Variants in TENM4 observed in about 807,000 individuals in gnomAD.
TENM4 encodes the protein teneurin-4.
A neutral mutation model predicts 243.3 loss-of-function variants in TENM4; 82 were observed. The observed-to-expected ratio is 0.34, with a 90% CI of 0.28 to 0.40. The LOEUF is 0.40. TENM4 is among the 10% of genes least tolerant of loss of function. The pLI, the probability that TENM4 is intolerant of heterozygous loss-of-function variation, is 1.00. For synonymous variants in TENM4, 1,412 were observed against 1,456.3 expected, an observed-to-expected ratio of 0.97 and a Z score of 0.69; for missense variants, 3,138 against 3,673.3, an observed-to-expected ratio of 0.85 and a Z score of 3.77.
intron 2 of TENM4, among the ~76,000 whole-genome samples, chr11:79,279,183 T>G (rs902296906): frequency 1.3e-5 from 2 of 152,196 alleles, no homozygotes; most frequent in Non-Finnish European, 2.9e-5. Context: ...GGATTTCCAA[T>G]CTGATGATCT....
chr11:78,953,712 T>A (rs751870886), intron 6 of TENM4, among the ~76,000 whole-genome samples: 38 of 152,216 alleles, frequency 2.5e-4, no homozygotes, highest in Non-Finnish European at 4.6e-4. Flanking sequence ...CAAGAGGATG[T>A]CTGTAAGTTA....
chr11:79,124,787 G>GTA (rs1200347390), intron 4 of TENM4, among the ~76,000 whole-genome samples: 2 of 141,272 alleles, frequency 1.4e-5, no homozygotes, highest in African/African-American at 5.3e-5. Context: ...ATATATATGT[G>GTA]TATATATATG....
chr11:79,301,403 T>C (rs1856547441), intron 1 of TENM4, among the ~76,000 whole-genome samples: 1 of 152,148 alleles, frequency 6.6e-6, no homozygotes, highest in East Asian at 1.9e-4. Context: ...GCTGAAAGGT[T>C]GTTTGCTTTC....
intron 3 of TENM4, among the ~76,000 whole-genome samples, chr11:79,163,032 G>A (rs693021): frequency 0.3 from 45,403 of 152,036 alleles, 7,509 homozygotes; most frequent in Non-Finnish European, 0.37. Context: ...TGCCTAAAAG[G>A]TCCCTAGACC....
Position 78,654,120 on chromosome 11 carries a change from T to C in TENM4, c.*3938A>G, listed in dbSNP as rs897824448. The C allele has an allele frequency of 3.3e-5, 5 of 152,184 alleles. No homozygotes were observed. In the East Asian group the frequency reaches 7.7e-4, roughly 23 times the overall value. The allele number at this position is 152,184 out of a possible 1,614,324, so 9.4% of individuals were successfully genotyped here. ...GTGCCTTAAATAGAGAGGTTTTCAT[T>C]CTAACAAGGACCCCAAGGGAAAGGA... On this transcript the variant is annotated 3_prime_UTR_variant, in exon 34 of 34. Coordinates refer to ENST00000278550, the MANE Select transcript of TENM4 (RefSeq NM_001098816.3).
intron 6 of TENM4, among the ~76,000 whole-genome samples, chr11:78,988,997 A>T (rs1464554169): frequency 2.0e-5 from 3 of 151,982 alleles, no homozygotes; most frequent in Non-Finnish European, 4.4e-5. Flanking sequence ...TTATATTTTT[A>T]TTTTTGTGCT....
rs776937260 is a variant in TENM4, at chr11:78,732,474, A to C, written c.2980T>G (p.Phe994Val). 6.2e-7 allele frequency: 1 copy of C among 1,613,822 alleles called. No homozygotes were observed. The change falls in exon 21 of 34, where the codon TTT becomes GTT. Residue 994 changes from phenylalanine to valine, a missense_variant. Phe to Val is a conservative substitution (Grantham distance 50). This residue lies in a region of TENM4 where 2,467 missense variants were observed against 3,059.1 expected (regional missense o/e 0.81). Coordinates refer to ENST00000278550, the MANE Select transcript of TENM4 (RefSeq NM_001098816.3). ...HTLWLPWDRF[F>V]VMETIIMRHE... Reference sequence around the variant, plus strand: ...CTCATGATGATGGTTTCCATGACAAAGAAGCGATCCCATGGCAGCCACAGG... The same window carrying C: ...CTCATGATGATGGTTTCCATGACAACGAAGCGATCCCATGGCAGCCACAGG...
At chr11:79,044,710 ATAAAGTAGGGG>A (rs1859618009) in intron 6 of TENM4, among the ~76,000 whole-genome samples, 1 of 152,180 alleles carries the variant, frequency 6.6e-6, no homozygotes, top group Non-Finnish European at 1.5e-5. Context: ...TTTCCCATGT[ATAAAGTAGGGG>A]TGAATATAAC....
intron 28 of TENM4, among the ~76,000 whole-genome samples, chr11:78,695,667 A>G (rs569979921): frequency 6.9e-6 from 1 of 145,908 alleles, no homozygotes; most frequent in South Asian, 2.1e-4. Context: ...CTGGCTGTGG[A>G]CAGTTTTTCT....
At chr11:78,662,366 T>C (rs1858052407) in intron 32 of TENM4, among the ~76,000 whole-genome samples, 1 of 152,026 alleles carries the variant, frequency 6.6e-6, no homozygotes, top group Admixed American at 6.6e-5. Flanking sequence ...AATTTTTGTA[T>C]TTTTAGTAGA....
At chr11:79,013,828 T>A (rs1225792766) in intron 6 of TENM4, among the ~76,000 whole-genome samples, 1 of 152,152 alleles carries the variant, frequency 6.6e-6, no homozygotes, top group African/African-American at 2.4e-5. Flanking sequence ...TTCAACTGCA[T>A]CCCAGCCAGA....
rs1483394681 is a variant in TENM4 at position 79,195,949 on chromosome 11, G to T, written c.-163+19859C>A. On this transcript the variant is annotated intron_variant, in intron 3 of 33. Coordinates refer to ENST00000278550, the MANE Select transcript of TENM4 (RefSeq NM_001098816.3). ...CATGTGTTGTGGGAGAGACCAGCGGGAGGTAACTGAATCATGGGGGCTGGT... is the reference window on the plus strand; with the variant it reads ...CATGTGTTGTGGGAGAGACCAGCGGTAGGTAACTGAATCATGGGGGCTGGT... 2.0e-5 allele frequency among the ~76,000 whole-genome samples: 3 copies of T among 152,116 alleles called. No homozygotes were observed. In the East Asian group the frequency reaches 5.8e-4, roughly 29 times the overall value.
intron 17 of TENM4, among the ~76,000 whole-genome samples, chr11:78,777,789 A>C (rs972641322): frequency 6.6e-6 from 1 of 152,174 alleles, no homozygotes; most frequent in Non-Finnish European, 1.5e-5. Flanking sequence ...TTAGGGCCTG[A>C]GAACAAAAAG....
At chr11:78,991,028 A>T (rs1858029644) in intron 6 of TENM4, among the ~76,000 whole-genome samples, 1 of 152,162 alleles carries the variant, frequency 6.6e-6, no homozygotes, top group Non-Finnish European at 1.5e-5. Context: ...TGCATAGGTG[A>T]GATCAGACTG....
chr11:78,702,287 G>T lies in TENM4; in HGVS notation c.4326C>A (p.Ala1442=). The change falls in exon 28 of 34, where the codon GCC becomes GCA. Residue 1442 remains alanine, a synonymous_variant. Transcript: ENST00000278550. ...ISENHQVRIV[A]GRPMHCQVPG... is the part of the protein sequence containing the mutation. ...GGACCTGGCAGTGCATGGGCCTCCC[G>T]GCGACAATGCGCACCTGGTGGTTTT... The T allele has an allele frequency of 6.2e-7, 1 of 1,614,016 alleles. No homozygotes were observed.
intron 1 of TENM4, among the ~76,000 whole-genome samples, chr11:79,425,154 T>C (rs1430712197): frequency 1.8e-4 from 28 of 152,168 alleles, no homozygotes; most frequent in Non-Finnish European, 1.5e-5. Context: ...CCGCAGGCCC[T>C]TACTGATTGG....
At chr11:78,920,088 A>AT (rs1224182340) in intron 6 of TENM4, among the ~76,000 whole-genome samples, 3 of 152,168 alleles carry the variant, frequency 2.0e-5, no homozygotes, top group Non-Finnish European at 4.4e-5. Flanking sequence ...TGCTTGTCAC[A>AT]TAGTAGGTGC....
At chr11:79,381,148 C>T (rs937006817) in intron 1 of TENM4, among the ~76,000 whole-genome samples, 1 of 152,074 alleles carries the variant, frequency 6.6e-6, no homozygotes, top group African/African-American at 2.4e-5. Context: ...CTTGCTACAC[C>T]AGCTTGCTTT....
rs570460620 is a variant in TENM4, at chr11:78,686,221, G to C, written c.5260+1833C>G. Among the ~76,000 whole-genome samples the C allele has an allele frequency of 1.2e-4, 19 of 152,272 alleles. No homozygotes were observed. In the East Asian group the frequency reaches 2.7e-3, roughly 22 times the overall value. ...TGTCAATCATGCCTATCCAATGAAG[G>C]CTTCCTAAAAGGCCCAAGAAGACAG... On this transcript the variant is annotated intron_variant, in intron 29 of 33. Transcript: ENST00000278550.
Sources: gnomAD v4.1 joint callset for allele counts (sites outside exome capture counted in the v4.1 genomes callset) on GRCh38, gnomAD v4.1.1 for gene constraint, gnomAD v4.1.1 regional missense constraint, MANE v1.5 for transcripts, NCBI Gene and HGNC (gene_info 2026-07-23, HGNC 2026-07-21) for gene names.